The following PPP1R3F variants were observed in gnomAD, a reference collection of about 807,000 sequenced individuals.
The protein encoded by PPP1R3F is protein phosphatase 1, regulatory (inhibitor) subunit 3F.
Under a neutral mutation model 24.2 loss-of-function variants are expected in PPP1R3F, and 29 were observed. The observed-to-expected ratio is 1.20, with a 90% CI of 0.89 to 1.63. The LOEUF (loss-of-function observed/expected upper bound fraction) is 1.63. PPP1R3F is among the 40% of genes most tolerant of loss of function. PPP1R3F has a pLI of 0.00. For missense variants in PPP1R3F, 823 were observed against 729.3 expected (o/e 1.13, Z -1.48); for synonymous variants, 363 against 340.1 (o/e 1.07, Z -0.74).
At chrX:49,291,288 TTCTCTCTCTCTCTC>T (rs781932322), downstream of PPP1R3F, among the ~76,000 whole-genome samples, 19 of 50,616 alleles carry the variant, frequency 3.8e-4, no homozygotes, top group Admixed American at 1.8e-3. Flanking sequence ...CAGCCTACTT[TTCTCTCTCTCTCTC>T]TCTCTCTCTC....
chrX:49,283,616 G>A (rs1482637096), intron 3 of PPP1R3F, among the ~76,000 whole-genome samples: 1 of 111,592 alleles, frequency 9.0e-6, no homozygotes, highest in Non-Finnish European at 1.9e-5. Flanking sequence ...GCATTTGATT[G>A]ATGTGTCTCT....
chrX:49,278,969 T>C (rs782238998), intron 1 of PPP1R3F, among the ~76,000 whole-genome samples: 26 of 112,656 alleles, frequency 2.3e-4, no homozygotes, highest in Admixed American at 1.7e-3. Context: ...TGGGTTGTGA[T>C]GTGAAGTGTA....
In PPP1R3F at chrX:49,287,196, T is replaced by TTC. The variant is rs1557121859; in HGVS notation, c.*109_*110dup. On this transcript the variant is annotated 3_prime_UTR_variant, in exon 4 of 4. Transcript: ENST00000055335. ...AGAATGCTCAACTGAAAGAGAGGCC[T>TTC]TCTCATCCCCAAGCTCTCCAGTCAA... The TTC allele has an allele frequency of 9.8e-6, 8 of 817,540 alleles. No homozygotes were observed. 67.4% of individuals were successfully genotyped at this position (817,540 alleles called of 1,213,427 possible).
At chrX:49,291,888 A>G (rs190203936), downstream of PPP1R3F, among the ~76,000 whole-genome samples, 15 of 110,583 alleles carry the variant, frequency 1.4e-4, no homozygotes, top group East Asian at 3.7e-3. Flanking sequence ...TCCCCTCTTC[A>G]GTGTTTTTTG....
intron 1 of PPP1R3F, among the ~76,000 whole-genome samples, chrX:49,276,087 A>G (rs1270858191): frequency 8.9e-6 from 1 of 112,772 alleles, no homozygotes; most frequent in African/African-American, 3.2e-5. Context: ...GGTTAAGGAC[A>G]TGGGCCTGAG....
At chrX:49,279,088 G>A (rs969493730) in intron 1 of PPP1R3F, among the ~76,000 whole-genome samples, 1 of 112,199 alleles carries the variant, frequency 8.9e-6, no homozygotes, top group Non-Finnish European at 1.9e-5. Context: ...GTGATTGTGA[G>A]GATTGAATTA....
At position 49,286,385 on chromosome X, in the gene PPP1R3F, G is replaced by A; in HGVS notation, c.1695G>A (p.Glu565=). ...ATGCCCGGCTGGGGCGTGGCGTGGA[G>A]CTCATCAAGGACACCGAAGACCCTG... ...LHYARLGRGV[E]LIKDTEDPDD... Residue 565 remains glutamate, a synonymous_variant, in exon 4 of 4, where the codon GAG becomes GAA. Transcript: ENST00000055335. The A allele has an allele frequency of 8.4e-7, 1 of 1,191,953 alleles. No homozygotes were observed. The highest frequency in any genetic ancestry group is 1.7e-5 in the African/African-American group (1 of 57,631).
At position 49,270,364 on chromosome X, in the gene PPP1R3F, C is replaced by T. The variant is rs1166688738; in HGVS notation, c.495C>T (p.Arg165=). The T allele has an allele frequency of 1.7e-6, 2 of 1,155,594 alleles. No individual in the cohort carries two copies. Among genetic ancestry groups the T allele is most frequent in the Non-Finnish European group, 2.3e-6 (2 of 873,105 alleles). The change falls in exon 1 of 4, where the codon CGC becomes CGT. Residue 165 remains arginine (R), a synonymous_variant. Coordinates refer to ENST00000055335, the MANE Select transcript of PPP1R3F (RefSeq NM_033215.5). ...CTGGGGGCCGCCCGCCGGTGCTGCGCGGGTTGGTACGCGTGCTGAACCGCT... is the reference window on the plus strand; with the variant it reads ...CTGGGGGCCGCCCGCCGGTGCTGCGTGGGTTGGTACGCGTGCTGAACCGCT... ...WVPGGRPPVL[R]GLVRVLNRSF... is the part of the protein sequence containing the mutation.
chrX:49,296,774 C>T (rs781897788), intron 3 of PPP1R3F, among the ~76,000 whole-genome samples: 2 of 111,562 alleles, frequency 1.8e-5, no homozygotes, highest in East Asian at 5.6e-4. Flanking sequence ...CATTATTTAC[C>T]CAGTAGTCAT....
chrX:49,287,318 C>T lies in PPP1R3F; in HGVS notation c.*228C>T, dbSNP rs1557121870. 21 of 385,240 alleles carry T rather than the reference C, an allele frequency of 5.5e-5. No individual in the cohort carries two copies. The South Asian group carries it at 9.5e-4, about 17-fold the overall frequency. The allele number at this position is 385,240 out of a possible 1,213,427, so 31.7% of individuals were successfully genotyped here. A position where few individuals can be genotyped will look rare whatever the true frequency, so the allele number is the denominator to read the frequency against. On this transcript the variant is annotated 3_prime_UTR_variant, in exon 4 of 4. Coordinates refer to ENST00000055335, the MANE Select transcript of PPP1R3F (RefSeq NM_033215.5). ...AGAGTGGAACTGGGCATGTCCTCCG[C>T]CTACCCCCCGAGCCTGTATTTATTT...
intron 2 of PPP1R3F, among the ~76,000 whole-genome samples, chrX:49,281,665 T>TAAAAA (rs782136082): frequency 4.9e-4 from 45 of 92,564 alleles, no homozygotes; most frequent in African/African-American, 1.7e-3. Context: ...CCTCATCTCT[T>TAAAAA]AAAAAAAAAA....
chrX:49,286,125 C>T lies in PPP1R3F; in HGVS notation c.1435C>T (p.Leu479Phe). The part of the protein sequence containing the change: ...LEAVSGSEEL[L>F]GEDTIDQELE... ...GGCTGTGAGTGGGTCAGAGGAGCTG[C>T]TCGGTGAGGACACCATCGACCAGGA... Residue 479 changes from leucine (L) to phenylalanine (F), a missense_variant, in exon 4 of 4, where the codon CTC becomes TTC. Physicochemically the swap from Leu to Phe is conservative, Grantham distance 22 (BLOSUM62 0). Transcript: ENST00000055335. The T allele has an allele frequency of 8.5e-7, 1 of 1,174,519 alleles. No homozygotes were observed. The highest frequency in any genetic ancestry group is 1.1e-6 in the Non-Finnish European group (1 of 874,468).
intron 1 of PPP1R3F, among the ~76,000 whole-genome samples, chrX:49,272,723 A>G (rs901436108): frequency 1.8e-5 from 2 of 112,469 alleles, no homozygotes; most frequent in East Asian, 5.6e-4. Flanking sequence ...ATAACTGGCC[A>G]GCATTTACTG....
downstream of PPP1R3F, among the ~76,000 whole-genome samples, chrX:49,289,566 A>C (rs2066302847): frequency 8.9e-6 from 1 of 111,919 alleles, no homozygotes; most frequent in African/African-American, 3.2e-5. Flanking sequence ...AAAGTTCACA[A>C]GCAGGCAAAA....
intron 1 of PPP1R3F, among the ~76,000 whole-genome samples, chrX:49,272,106 C>T (rs949397162): frequency 4.5e-5 from 5 of 112,069 alleles, no homozygotes; most frequent in Non-Finnish European, 9.4e-5. Flanking sequence ...TCAGAAGCCC[C>T]TGGCTGCAGT....
chrX:49,284,509 CTTTTTTTT>C (rs145170789), intron 3 of PPP1R3F, among the ~76,000 whole-genome samples: 1 of 50,857 alleles, frequency 2.0e-5, no homozygotes, highest in Non-Finnish European at 3.7e-5. Context: ...CTTTTTCTTT[CTTTTTTTT>C]TTTTTTTTTT....
At chrX:49,289,482 T>A (rs782201455), downstream of PPP1R3F, among the ~76,000 whole-genome samples, 6 of 111,180 alleles carry the variant, frequency 5.4e-5, no homozygotes, top group Non-Finnish European at 9.4e-5. Context: ...GAATGGAAGA[T>A]CCATAACTGC....
Position 49,270,317 on chromosome X carries a change from G to T in PPP1R3F, c.448G>T (p.Gly150Trp), listed in dbSNP as rs1356878854. 1.8e-6 allele frequency: 2 copies of T among 1,126,004 alleles called. No individual in the cohort carries two copies. The highest frequency in any genetic ancestry group is 3.4e-5 in the East Asian group (1 of 29,351). The allele number at this position is 1,126,004 out of a possible 1,213,427, so 92.8% of individuals were successfully genotyped here. A position where few individuals can be genotyped will look rare whatever the true frequency, so the allele number is the denominator to read the frequency against. ...ALLPPPGAVP[G>W]GAGVWVPGGR... ...GCTGCCGCCTCCCGGAGCGGTCCCC[G>T]GGGGTGCCGGGGTGTGGGTGCCTGG... Residue 150 changes from glycine to tryptophan, a missense_variant, in exon 1 of 4, where the codon GGG (glycine) becomes TGG (tryptophan). Gly to Trp is a radical substitution (Grantham distance 184, BLOSUM62 -2). Transcript: ENST00000055335.
intron 3 of PPP1R3F, among the ~76,000 whole-genome samples, chrX:49,283,902 C>T (rs1389226473): frequency 1.8e-5 from 2 of 110,914 alleles, no homozygotes; most frequent in African/African-American, 6.6e-5. Context: ...TTCCCACTTC[C>T]TTTATTAGCT....
Sources: allele counts gnomAD v4.1 joint callset (sites outside exome capture counted in the v4.1 genomes callset), GRCh38; gene constraint gnomAD v4.1.1; transcripts MANE v1.5; gene names NCBI Gene and HGNC (gene_info 2026-07-23, HGNC 2026-07-21).